POLQ: variants seen among roughly 807,000 people sequenced by gnomAD.
The protein encoded by POLQ is epididymis secretory sperm binding protein.
A neutral mutation model predicts 259.2 loss-of-function variants in POLQ; 233 were observed. The observed-to-expected ratio is 0.90, with a 90% CI of 0.81 to 1.00. The LOEUF (loss-of-function observed/expected upper bound fraction) is 1.00, where lower values mean the gene tolerates loss of function less well. Among genes scored for constraint, POLQ ranks in the 50% least tolerant of loss-of-function variants. The pLI, the probability that POLQ is intolerant of heterozygous loss-of-function variation, is 0.00. For missense variants in POLQ, 2,871 were observed against 3,051.6 expected (o/e 0.94, Z 1.39); for synonymous variants, 1,025 against 1,048.8 (o/e 0.98, Z 0.44).
chr3:121,541,314 C>G (rs1252603350), intron 3 of POLQ, 35 bp downstream of exon 3: 2 of 1,502,126 alleles, frequency 1.3e-6, no homozygotes, highest in Admixed American at 4.4e-5. Flanking sequence ...CAATAATGAG[C>G]CTTTCACTAT....
rs189897971 is a variant in POLQ at position 121,506,164 on chromosome 3, T to C, written c.1959+3397A>G. ...ATATATTCAACTACTAGACAAAACA[T>C]ACAATAAGCAAAGTCAAAAGACAAG... On this transcript the variant is annotated intron_variant, in intron 12 of 29. Coordinates refer to ENST00000264233, the MANE Select transcript of POLQ (RefSeq NM_199420.4). Among the ~76,000 whole-genome samples the C allele has an allele frequency of 2.1e-3, 317 of 151,126 alleles. 2 individuals carry two copies. The Middle Eastern group carries it at 0.031, about 15-fold the overall frequency.
chr3:121,481,878 G>A lies in POLQ; in HGVS notation c.5971-66C>T, dbSNP rs1006829899. The A allele has an allele frequency of 3.6e-6, 5 of 1,394,440 alleles. No individual in the cohort carries two copies. In the East Asian group the frequency reaches 9.3e-5, roughly 26 times the overall value. 86.4% of individuals were successfully genotyped at this position (1,394,440 alleles called of 1,614,324 possible). A position where few individuals can be genotyped will look rare whatever the true frequency, so the allele number is the denominator to read the frequency against. On this transcript the variant is annotated intron_variant, in intron 18 of 29. Transcript: ENST00000264233. Reference sequence around the variant, plus strand: ...CAAAGACACTTATGTACCTCTAAATGAAAAGGGAAAAAAACAAAGCTCATT... The same window carrying A: ...CAAAGACACTTATGTACCTCTAAATAAAAAGGGAAAAAAACAAAGCTCATT...
intron 26 of POLQ, among the ~76,000 whole-genome samples, chr3:121,447,499 T>C (rs1373187587): frequency 1.3e-5 from 2 of 152,152 alleles, no homozygotes; most frequent in African/African-American, 4.8e-5. Context: ...ATTTATATCG[T>C]ATTGTACTGC....
chr3:121,444,968 ATCTT>A (rs1009669519), intron 26 of POLQ, among the ~76,000 whole-genome samples: 4 of 152,216 alleles, frequency 2.6e-5, no homozygotes, highest in Non-Finnish European at 4.4e-5. Flanking sequence ...ATGATGAATG[ATCTT>A]TCTAATATAT....
chr3:121,542,912 G>A (rs1480504863), intron 2 of POLQ, among the ~76,000 whole-genome samples: 7 of 151,996 alleles, frequency 4.6e-5, no homozygotes, highest in Non-Finnish European at 8.8e-5. Context: ...ACTTGAACCC[G>A]GGAGGCAGAG....
Position 121,436,414 on chromosome 3 carries a change from T to G in POLQ, c.7390-139A>C. The G allele has an allele frequency of 4.3e-6, 3 of 700,582 alleles. No individual in the cohort carries two copies. The South Asian group carries it at 5.5e-5, about 13-fold the overall frequency. 43.4% of individuals were successfully genotyped at this position (700,582 alleles called of 1,614,324 possible). A position where few individuals can be genotyped will look rare whatever the true frequency, so the allele number is the denominator to read the frequency against. The stretch of plus-strand genomic sequence containing the variant: ...GAGATGCAACCCAGAACACCAACTA[T>G]TAGGCTGCATCCTAAGAATAACACC... On this transcript the variant is annotated intron_variant, in intron 27 of 29. Transcript: ENST00000264233.
chr3:121,509,527 T>C (rs2048235634), intron 12 of POLQ, 34 bp downstream of exon 12: 1 of 1,570,362 alleles, frequency 6.4e-7, no homozygotes, highest in African/African-American at 1.4e-5. Context: ...TTTCTCCCTA[T>C]TTTCACAAAC....
intron 22 of POLQ, among the ~76,000 whole-genome samples, chr3:121,470,216 G>A (rs959488096): frequency 6.6e-6 from 1 of 151,980 alleles, no homozygotes; most frequent in Non-Finnish European, 1.5e-5. Flanking sequence ...CCGAGATCAC[G>A]CCACTGCACT....
chr3:121,443,579 C>G (rs1048026838), intron 26 of POLQ, among the ~76,000 whole-genome samples: 2 of 152,092 alleles, frequency 1.3e-5, no homozygotes, highest in African/African-American at 2.4e-5. Context: ...GTTTCCTTTG[C>G]TGTGCAGTTT....
At chr3:121,450,704 C>T (rs2047668026) in intron 25 of POLQ, among the ~76,000 whole-genome samples, 1 of 152,196 alleles carries the variant, frequency 6.6e-6, no homozygotes, top group South Asian at 2.1e-4. Context: ...CGACCTTTCT[C>T]TCTGGCTGCC....
intron 12 of POLQ, among the ~76,000 whole-genome samples, chr3:121,506,184 G>C (rs561401908): frequency 6.6e-6 from 1 of 151,778 alleles, no homozygotes; most frequent in African/African-American, 2.4e-5. Context: ...AAAGTCAAAA[G>C]ACAAGTGAAA....
intron 9 of POLQ, among the ~76,000 whole-genome samples, chr3:121,513,650 T>A: frequency 7.3e-6 from 1 of 137,794 alleles, no homozygotes. Context: ...GTCAGCAAGA[T>A]GGTGGTTTAG....
chr3:121,539,515 T>G lies in POLQ; in HGVS notation c.549A>C (p.Ser183=), dbSNP rs149264098. 1 of 1,612,824 alleles carries G rather than the reference T, an allele frequency of 6.2e-7. No individual in the cohort carries two copies. The highest frequency in any genetic ancestry group is 8.5e-7 in the Non-Finnish European group (1 of 1,178,806). ...GSTSPSRHFS[S]LDIAVCTIER... is the part of the protein sequence containing the mutation. ...CAATTGTGCAGACTGCAATATCCAA[T>G]GAAGAGAAATGCCTTGATGGAGAGG... The change falls in exon 4 of 30, where the codon TCA becomes TCC. Residue 183 remains serine, a synonymous_variant. Transcript: ENST00000264233.
At position 121,472,023 on chromosome 3, in the gene POLQ, T is replaced by C. The variant is rs1010727768; in HGVS notation, c.6685A>G (p.Ile2229Val). The change falls in exon 22 of 30, where the codon ATC becomes GTC. Residue 2229 changes from isoleucine (I) to valine (V), a missense_variant. Ile to Val is a conservative substitution (Grantham distance 29). This residue lies in a region of POLQ where 2,080 missense variants were observed against 2,126.0 expected (regional missense o/e 0.98). Coordinates refer to ENST00000264233, the MANE Select transcript of POLQ (RefSeq NM_199420.4). ...CLNPFLGMERIYPVSQSHTAT... is the reference protein window; with the variant it reads ...CLNPFLGMERVYPVSQSHTAT... The stretch of plus-strand genomic sequence containing the variant: ...GTGTGCGACTGTGATACAGGATAGA[T>C]TCTTTCCATTCCAAGAAAAGGATTA... 4 of 1,577,460 alleles carry C rather than the reference T, an allele frequency of 2.5e-6. No individual in the cohort carries two copies. Among genetic ancestry groups the C allele is most frequent in the Non-Finnish European group, 3.5e-6 (4 of 1,154,452 alleles).
At position 121,489,144 on chromosome 3, in the gene POLQ, C is replaced by G. The variant is rs776643228; in HGVS notation, c.3787G>C (p.Val1263Leu). The G allele has an allele frequency of 6.2e-7, 1 of 1,613,946 alleles. No individual in the cohort carries two copies. The highest frequency in any genetic ancestry group is 8.5e-7 in the Non-Finnish European group (1 of 1,179,918). Residue 1263 changes from valine (V) to leucine (L), a missense_variant, in exon 16 of 30, where the codon GTG becomes CTG. By Grantham distance (32) the Val-to-Leu change is conservative. This residue lies in a region of POLQ where 2,080 missense variants were observed against 2,126.0 expected (regional missense o/e 0.98). Transcript: ENST00000264233. ...QALGDDISRT[V>L]IPSEVLPSAG... The stretch of plus-strand genomic sequence containing the variant: ...GATGGAAGTACTTCACTGGGTATCA[C>G]AGTTCTGCTTATATCATCTCCTAAT...
intron 10 of POLQ, among the ~76,000 whole-genome samples, chr3:121,511,638 G>A (rs1438498930): frequency 1.3e-5 from 2 of 151,356 alleles, no homozygotes; most frequent in African/African-American, 4.9e-5. Flanking sequence ...ATTAGCCAGG[G>A]ATGATGGTGT....
intron 24 of POLQ, among the ~76,000 whole-genome samples, chr3:121,463,789 G>A (rs1411127460): frequency 1.3e-5 from 2 of 151,968 alleles, no homozygotes; most frequent in East Asian, 3.9e-4. Flanking sequence ...TTTTAAACAG[G>A]AGAATGATGT....
chr3:121,501,661 C>CAAAAA (rs60180456), intron 12 of POLQ, among the ~76,000 whole-genome samples: 21 of 39,942 alleles, frequency 5.3e-4, no homozygotes, highest in Non-Finnish European at 6.0e-4. Flanking sequence ...GACTCCGTCT[C>CAAAAA]AAAAAAAAAA....
At chr3:121,471,002 C>A (rs1157294458) in intron 22 of POLQ, among the ~76,000 whole-genome samples, 1 of 152,164 alleles carries the variant, frequency 6.6e-6, no homozygotes, top group Non-Finnish European at 1.5e-5. Flanking sequence ...TCTAAAGATT[C>A]ACAGAACCAG....
Sources: gnomAD v4.1 joint callset for allele counts (sites outside exome capture counted in the v4.1 genomes callset) on GRCh38, gnomAD v4.1.1 for gene constraint, gnomAD v4.1.1 regional missense constraint, MANE v1.5 for transcripts, NCBI Gene and HGNC (gene_info 2026-07-23, HGNC 2026-07-21) for gene names.